The following ADK variants were observed in gnomAD, a reference collection of about 807,000 sequenced individuals.
The protein encoded by ADK is N6,N6-dimethyladenosine kinase.
Under a neutral mutation model 44.7 loss-of-function variants are expected in ADK, and 24 were observed. The observed-to-expected ratio is 0.54, with a 90% CI of 0.39 to 0.76. The LOEUF is 0.76. Among genes scored for constraint, ADK ranks in the 30% least tolerant of loss-of-function variants. The pLI, the probability that ADK is intolerant of heterozygous loss-of-function variation, is 0.00. For missense variants in ADK, 321 were observed against 425.1 expected (o/e 0.76, Z 2.15); for synonymous variants, 128 against 142.6 (o/e 0.90, Z 0.73).
At chr10:74,209,980 A>AT (rs1843748413) in intron 2 of ADK, among the ~76,000 whole-genome samples, 1 of 152,142 alleles carries the variant, frequency 6.6e-6, no homozygotes, top group African/African-American at 2.4e-5. Flanking sequence ...AGTAAGAGGA[A>AT]TGAGAGAATG....
intron 3 of ADK, among the ~76,000 whole-genome samples, chr10:74,307,017 CCCTT>C (rs1840277093): frequency 6.6e-6 from 1 of 152,036 alleles, no homozygotes; most frequent in South Asian, 2.1e-4. Context: ...CCCTATTGCC[CCCTT>C]CCTTATCATT....
chr10:74,479,157 C>T (rs1483123741), intron 6 of ADK, among the ~76,000 whole-genome samples: 1 of 152,092 alleles, frequency 6.6e-6, no homozygotes, highest in Non-Finnish European at 1.5e-5. Context: ...TACCACCACA[C>T]CTATCTAGTT....
At chr10:74,575,868 A>G (rs961209809) in intron 7 of ADK, among the ~76,000 whole-genome samples, 3 of 152,224 alleles carry the variant, frequency 2.0e-5, no homozygotes, top group East Asian at 1.9e-4. Context: ...AGAGACTACA[A>G]CAATAACCTG....
intron 9 of ADK, among the ~76,000 whole-genome samples, chr10:74,617,627 G>A (rs752065450): frequency 6.6e-6 from 1 of 151,976 alleles, no homozygotes; most frequent in African/African-American, 2.4e-5. Context: ...AGAGGGTCTC[G>A]TCTTGTCACC....
intron 9 of ADK, among the ~76,000 whole-genome samples, chr10:74,606,381 G>T (rs1852324482): frequency 6.6e-6 from 1 of 152,162 alleles, no homozygotes; most frequent in Admixed American, 6.5e-5. Context: ...GGCATTTAGT[G>T]CTATAAATGT....
intron 6 of ADK, among the ~76,000 whole-genome samples, chr10:74,410,879 A>C (rs1844151529): frequency 6.6e-6 from 1 of 152,192 alleles, no homozygotes; most frequent in South Asian, 2.1e-4. Context: ...ACAGCTCTTT[A>C]TATATAGCAT....
In ADK at chr10:74,285,811, C is replaced by A. The variant is rs112433663; in HGVS notation, c.195-28856C>A. ...GGAATTGAAGGTTATCTGGTAGGTG[C>A]AATCAACAGACTTAGTGGTTTAAAA... On this transcript the variant is annotated intron_variant, in intron 3 of 10. Coordinates refer to ENST00000539909, the MANE Select transcript of ADK (RefSeq NM_006721.4). Among the ~76,000 whole-genome samples the A allele has an allele frequency of 5.2e-3, 798 of 152,212 alleles. 11 individuals are homozygous for A. Among genetic ancestry groups the A allele is most frequent in the African/African-American group, 0.017 (724 of 41,532 alleles).
intron 6 of ADK, among the ~76,000 whole-genome samples, chr10:74,459,089 G>A (rs1312607316): frequency 1.3e-5 from 2 of 151,872 alleles, no homozygotes; most frequent in East Asian, 3.9e-4. Flanking sequence ...GACCAGCCTG[G>A]CCAACATGGC....
At chr10:74,321,108 T>A (rs1840792543) in intron 4 of ADK, among the ~76,000 whole-genome samples, 1 of 152,312 alleles carries the variant, frequency 6.6e-6, no homozygotes, top group African/African-American at 2.4e-5. Flanking sequence ...TCCTGCAATT[T>A]AACTTACCTA....
At chr10:74,360,911 A>G (rs999961783) in intron 4 of ADK, among the ~76,000 whole-genome samples, 1 of 151,880 alleles carries the variant, frequency 6.6e-6, no homozygotes, top group Non-Finnish European at 1.5e-5. Context: ...CTGTGTCTTT[A>G]TTTGGGTTTT....
intron 2 of ADK, among the ~76,000 whole-genome samples, chr10:74,213,041 A>G (rs1299408854): frequency 1.3e-5 from 2 of 152,166 alleles, no homozygotes; most frequent in South Asian, 4.1e-4. Context: ...GATGACTATG[A>G]TATCCAGGCA....
At chr10:74,300,306 C>G (rs1168192357) in intron 3 of ADK, among the ~76,000 whole-genome samples, 71 of 82,168 alleles carry the variant, frequency 8.6e-4, no homozygotes, top group Middle Eastern at 6.5e-3. Flanking sequence ...TTCCTTCCTT[C>G]CTTCTTTCCT....
intron 3 of ADK, among the ~76,000 whole-genome samples, chr10:74,290,078 G>GCA (rs1554838780): frequency 0.057 from 8,554 of 149,048 alleles, 576 homozygotes; most frequent in African/African-American, 0.16. Context: ...CTACTCACGC[G>GCA]CACACACACA....
chr10:74,190,263 G>A (rs910797174), intron 1 of ADK, among the ~76,000 whole-genome samples: 1 of 152,148 alleles, frequency 6.6e-6, no homozygotes, highest in Non-Finnish European at 1.5e-5. Flanking sequence ...TCTAGTCTTC[G>A]CTGAGAGGCT....
intron 6 of ADK, chr10:74,423,951 CA>C (rs1844680233): frequency 5.2e-6 from 1 of 190,996 alleles, no homozygotes; most frequent in African/African-American, 2.3e-5. Context: ...ATTTGGCCAC[CA>C]TAGACTCATT....
rs962208712 is a variant in ADK at position 74,394,072 on chromosome 10, G to A, written c.274-69G>A. On this transcript the variant is annotated intron_variant, in intron 4 of 10. Coordinates refer to ENST00000539909, the MANE Select transcript of ADK (RefSeq NM_006721.4). ...AAGCATTCTTGTCACATCACTATCT[G>A]TGGCAGAATATTAAACTATGTGTAC... The A allele has an allele frequency of 3.4e-6, 5 of 1,462,514 alleles. No individual in the cohort carries two copies. In the African/African-American group the frequency reaches 7.0e-5, roughly 20 times the overall value. The allele number at this position is 1,462,514 out of a possible 1,614,324, so 90.6% of individuals were successfully genotyped here.
intron 3 of ADK, among the ~76,000 whole-genome samples, chr10:74,251,584 A>G (rs1228584432): frequency 6.6e-6 from 1 of 152,214 alleles, no homozygotes. Context: ...GTTAAATATT[A>G]TTACTATCTG....
At chr10:74,655,473 A>T (rs1854447953) in intron 9 of ADK, 1 of 473,084 alleles carries the variant, frequency 2.1e-6, no homozygotes, top group South Asian at 1.7e-5. Context: ...GACACTCGCA[A>T]CATGCCTGTG....
intron 3 of ADK, among the ~76,000 whole-genome samples, chr10:74,312,941 G>A (rs1284731699): frequency 0.039 from 1,656 of 42,102 alleles, 2 homozygotes; most frequent in Middle Eastern, 0.11. Context: ...AAAAAAAAAA[G>A]TTAATGTTTT....
Sources: allele counts gnomAD v4.1 joint callset (sites outside exome capture counted in the v4.1 genomes callset), GRCh38; gene constraint gnomAD v4.1.1; transcripts MANE v1.5; gene names NCBI Gene and HGNC (gene_info 2026-07-23, HGNC 2026-07-21).